PTPRG: variants seen among roughly 807,000 people sequenced by gnomAD.
PTPRG encodes the protein protein tyrosine phosphatase receptor type G.
PTPRG carries 102 observed loss-of-function variants against 165.3 expected under a neutral mutation model. The observed-to-expected ratio is 0.62, with a 90% CI of 0.53 to 0.73. PTPRG has a LOEUF of 0.73. PTPRG is among the 30% of genes least tolerant of loss of function. PTPRG has a pLI of 0.00. For synonymous variants in PTPRG, 675 were observed against 669.5 expected (o/e 1.01, Z -0.13); for missense variants, 1,866 against 1,861.4 (o/e 1.00, Z -0.05).
At chr3:61,627,410 A>G (rs2106918405) in intron 1 of PTPRG, among the ~76,000 whole-genome samples, 1 of 152,322 alleles carries the variant, frequency 6.6e-6, no homozygotes, top group Middle Eastern at 3.4e-3. Context: ...TGTTGGAAAT[A>G]CAATAGAAAG....
chr3:61,595,656 C>G (rs1275473534), intron 1 of PTPRG, among the ~76,000 whole-genome samples: 1 of 152,222 alleles, frequency 6.6e-6, no homozygotes, highest in East Asian at 1.9e-4. Context: ...ATACTTGACA[C>G]AGCATCTGTC....
chr3:62,282,706 C>G (rs1166251236), intron 27 of PTPRG, 21 bp from the exon 28 acceptor site: 1 of 1,594,450 alleles, frequency 6.3e-7, no homozygotes, highest in Non-Finnish European at 8.5e-7. Flanking sequence ...AGGGATTTGA[C>G]CCATGTTGTA....
chr3:61,651,450 C>T (rs932905407), intron 1 of PTPRG, among the ~76,000 whole-genome samples: 36 of 151,610 alleles, frequency 2.4e-4, no homozygotes, highest in African/African-American at 8.7e-4. Flanking sequence ...TTGCTCATGA[C>T]TAGTGGTTGT....
intron 1 of PTPRG, among the ~76,000 whole-genome samples, chr3:61,629,216 G>A (rs368867716): frequency 1.1e-4 from 17 of 152,136 alleles, no homozygotes; most frequent in South Asian, 2.1e-4. Context: ...GTGCAATGGC[G>A]CAATTTCAGC....
chr3:62,109,237 G>A (rs955772256), intron 5 of PTPRG, among the ~76,000 whole-genome samples: 5 of 152,072 alleles, frequency 3.3e-5, no homozygotes, highest in African/African-American at 1.2e-4. Context: ...TGTAAGGAAG[G>A]GGTCCAGTTT....
intron 5 of PTPRG, among the ~76,000 whole-genome samples, chr3:62,095,304 A>G (rs985867193): frequency 8.5e-5 from 13 of 152,178 alleles, no homozygotes; most frequent in Non-Finnish European, 1.3e-4. Flanking sequence ...AGGCAAAGGA[A>G]GAATGTCTAC....
At chr3:62,097,026 G>A (rs1370792372) in intron 5 of PTPRG, among the ~76,000 whole-genome samples, 1 of 152,150 alleles carries the variant, frequency 6.6e-6, no homozygotes, top group African/African-American at 2.4e-5. Flanking sequence ...TATGGGCCAA[G>A]CTGGCTTAAG....
chr3:61,621,051 A>ATATATATATATGTGTGTGTG, intron 1 of PTPRG, among the ~76,000 whole-genome samples: 10 of 117,946 alleles, frequency 8.5e-5, no homozygotes, highest in Admixed American at 9.4e-5. Flanking sequence ...ATATATATAT[A>ATATATATATATGTGTGTGTG]TGTGTGTGTG....
chr3:62,088,211 C>T (rs559042435), intron 5 of PTPRG, among the ~76,000 whole-genome samples: 35 of 152,276 alleles, frequency 2.3e-4, no homozygotes, highest in African/African-American at 7.7e-4. Flanking sequence ...TGCCCAGGAA[C>T]GCTGCTGAAC....
At chr3:62,025,564 G>T (rs571917936) in intron 4 of PTPRG, among the ~76,000 whole-genome samples, 1 of 152,020 alleles carries the variant, frequency 6.6e-6, no homozygotes, top group Non-Finnish European at 1.5e-5. Flanking sequence ...GTTGACAGCC[G>T]TAAAATGTAA....
At chr3:62,013,354 C>T (rs997076566) in intron 4 of PTPRG, among the ~76,000 whole-genome samples, 3 of 152,100 alleles carry the variant, frequency 2.0e-5, no homozygotes, top group African/African-American at 7.2e-5. Context: ...ACATGAGAGA[C>T]TAACAAATTC....
At chr3:62,211,277 A>G (rs1243398009) in intron 12 of PTPRG, among the ~76,000 whole-genome samples, 1 of 152,246 alleles carries the variant, frequency 6.6e-6, no homozygotes, top group Non-Finnish European at 1.5e-5. Flanking sequence ...GTAATACATG[A>G]TTCCACCTAT....
rs1475229020 is a variant in PTPRG, at chr3:62,295,770, A to C, written c.*2463A>C. The C allele has an allele frequency of 6.6e-6, 1 of 152,108 alleles. No individual in the cohort carries two copies. The highest frequency in any genetic ancestry group is 2.4e-5 in the African/African-American group (1 of 41,426). The allele number at this position is 152,108 out of a possible 1,614,324, so 9.4% of individuals were successfully genotyped here. A position where few individuals can be genotyped will look rare whatever the true frequency, so the allele number is the denominator to read the frequency against. On this transcript the variant is annotated 3_prime_UTR_variant, in exon 30 of 30. Transcript: ENST00000474889. ...AAAGTAGTCCAAACACACTTCAATGAGGACAGTTATATTTAGCAGGTCCTC... is the reference window on the plus strand; with the variant it reads ...AAAGTAGTCCAAACACACTTCAATGCGGACAGTTATATTTAGCAGGTCCTC...
At position 62,157,234 on chromosome 3, in the gene PTPRG, C is replaced by A. The variant is rs1304478783; in HGVS notation, c.840+10C>A. ...CATCTCTTACCATCAGGTAGATATT[C>A]TTCCTCAAGTGGGGTTTCTGTGTTT... On this transcript the variant is annotated intron_variant, in intron 7 of 29. Transcript: ENST00000474889. 1.2e-6 allele frequency: 2 copies of A among 1,610,738 alleles called. No individual in the cohort carries two copies. The highest frequency in any genetic ancestry group is 1.7e-6 in the Non-Finnish European group (2 of 1,177,252).
intron 2 of PTPRG, among the ~76,000 whole-genome samples, chr3:61,836,517 T>C (rs1227442652): frequency 6.6e-6 from 1 of 152,204 alleles, no homozygotes; most frequent in Non-Finnish European, 1.5e-5. Context: ...CAGCTACTAT[T>C]TACTATGCTC....
Position 62,026,859 on chromosome 3 carries a change from C to G in PTPRG, c.519+23362C>G, listed in dbSNP as rs141097792. The stretch of plus-strand genomic sequence containing the variant: ...CGAGATTGCACTGCTGCACTCCAGC[C>G]TGGGAAACCGAGTGAGAATTAAAAA... On this transcript the variant is annotated intron_variant, in intron 4 of 29. Transcript: ENST00000474889. Among the ~76,000 whole-genome samples, 343 of 98,364 alleles carry G rather than the reference C, an allele frequency of 3.5e-3. 3 individuals carry two copies. Among genetic ancestry groups the G allele is most frequent in the African/African-American group, 0.014 (329 of 24,024 alleles). 64.5% of individuals were successfully genotyped at this position (98,364 alleles called of 152,430 possible).
intron 1 of PTPRG, among the ~76,000 whole-genome samples, chr3:61,692,621 T>C (rs2030296523): frequency 6.6e-6 from 1 of 151,702 alleles, no homozygotes; most frequent in African/African-American, 2.4e-5. Context: ...TTTGGGTAGG[T>C]AAAGGAAAAA....
At chr3:61,833,206 T>A (rs1461686606) in intron 2 of PTPRG, among the ~76,000 whole-genome samples, 1 of 152,156 alleles carries the variant, frequency 6.6e-6, no homozygotes, top group Non-Finnish European at 1.5e-5. Flanking sequence ...GTCTCCTGAC[T>A]GAAAGTTATA....
chr3:61,595,608 A>G (rs1322569095), intron 1 of PTPRG, among the ~76,000 whole-genome samples: 1 of 152,220 alleles, frequency 6.6e-6, no homozygotes, highest in Non-Finnish European at 1.5e-5. Context: ...TTGAAAAGAC[A>G]TTATATTCAT....
Sources: allele counts gnomAD v4.1 joint callset (sites outside exome capture counted in the v4.1 genomes callset), GRCh38; gene constraint gnomAD v4.1.1; transcripts MANE v1.5; gene names NCBI Gene and HGNC (gene_info 2026-07-23, HGNC 2026-07-21).